CSMD1: variants seen among roughly 807,000 people sequenced by gnomAD.
The protein encoded by CSMD1 is CUB and Sushi multiple domains 1, also known as CUB and sushi domain-containing protein 1.
In CSMD1, 213 loss-of-function variants were observed where a neutral mutation model predicts 417.5. That is an observed-to-expected ratio of 0.51 (90% CI 0.46 to 0.57). CSMD1 has a LOEUF of 0.57. Ranked by LOEUF, CSMD1 falls within the 20% of genes least tolerant of loss-of-function variation. The pLI, the probability that CSMD1 is intolerant of heterozygous loss-of-function variation, is 0.00. For missense variants in CSMD1, 6,923 were observed against 4,529.7 expected, an observed-to-expected ratio of 1.53 and a Z score of -15.17; for synonymous variants, 2,862 against 1,736.8, an observed-to-expected ratio of 1.65 and a Z score of -16.11.
At chr8:3,492,187 G>A (rs1017508547) in intron 11 of CSMD1, among the ~76,000 whole-genome samples, 18 of 152,184 alleles carry the variant, frequency 1.2e-4, no homozygotes, top group African/African-American at 4.3e-4. Context: ...AAGCCAAGAT[G>A]TTTGATTATT....
At chr8:4,007,468 C>CCCTCACAA (rs1191396967) in intron 4 of CSMD1, among the ~76,000 whole-genome samples, 1 of 152,140 alleles carries the variant, frequency 6.6e-6, no homozygotes, top group Non-Finnish European at 1.5e-5. Flanking sequence ...ACTTCAGAGC[C>CCCTCACAA]CCTCACAAGG....
chr8:3,679,645 G>T (rs1012379888), intron 7 of CSMD1, among the ~76,000 whole-genome samples: 1 of 152,072 alleles, frequency 6.6e-6, no homozygotes, highest in Non-Finnish European at 1.5e-5. Context: ...AAGTTAACAA[G>T]GATATCCAGG....
At chr8:3,876,390 T>C (rs1011238861) in intron 5 of CSMD1, among the ~76,000 whole-genome samples, 1 of 152,210 alleles carries the variant, frequency 6.6e-6, no homozygotes, top group African/African-American at 2.4e-5. Flanking sequence ...CAATAAACTT[T>C]CCTGTATTTC....
At chr8:4,704,636 C>A (rs1389167965) in intron 1 of CSMD1, among the ~76,000 whole-genome samples, 1 of 152,182 alleles carries the variant, frequency 6.6e-6, no homozygotes, top group African/African-American at 2.4e-5. Context: ...TTCTTTTAAC[C>A]ATTCTTACCT....
intron 5 of CSMD1, among the ~76,000 whole-genome samples, chr8:3,973,112 T>C (rs1813196480): frequency 6.6e-6 from 1 of 152,258 alleles, no homozygotes; most frequent in African/African-American, 2.4e-5. Context: ...CCTGCTTTCT[T>C]GACAGTTGGA....
chr8:3,270,043 CTTCT>C (rs1801722607), intron 26 of CSMD1, among the ~76,000 whole-genome samples: 1 of 99,930 alleles, frequency 1.0e-5, no homozygotes, highest in African/African-American at 3.5e-5. Flanking sequence ...TCTCTAACCT[CTTCT>C]TTTTTTTTTT....
chr8:4,199,066 C>T (rs755829107), intron 3 of CSMD1, among the ~76,000 whole-genome samples: 3 of 152,098 alleles, frequency 2.0e-5, no homozygotes, highest in Non-Finnish European at 4.4e-5. Context: ...CTGGCAAAAC[C>T]CCTGAGGTAG....
At chr8:3,178,988 C>A (rs778807167) in intron 37 of CSMD1, among the ~76,000 whole-genome samples, 1 of 150,060 alleles carries the variant, frequency 6.7e-6, no homozygotes, top group Non-Finnish European at 1.5e-5. Context: ...CACTCTGTCA[C>A]CCAGGCTGGA....
chr8:3,715,125 G>A (rs60860249), intron 6 of CSMD1, among the ~76,000 whole-genome samples: 5 of 152,158 alleles, frequency 3.3e-5, no homozygotes, highest in African/African-American at 9.6e-5. Flanking sequence ...AAGAGTCATC[G>A]AAATTCAGAT....
intron 5 of CSMD1, among the ~76,000 whole-genome samples, chr8:3,880,478 C>T (rs1806133663): frequency 6.6e-6 from 1 of 152,164 alleles, no homozygotes; most frequent in South Asian, 2.1e-4. Flanking sequence ...CGCTGCTTCA[C>T]TTTATTTCCT....
intron 2 of CSMD1, among the ~76,000 whole-genome samples, chr8:4,485,055 T>C (rs114805295): frequency 0.012 from 1,754 of 147,998 alleles, 50 homozygotes; most frequent in African/African-American, 0.042. Flanking sequence ...TTTCTTCCCA[T>C]TTTCTACTCA....
intron 12 of CSMD1, among the ~76,000 whole-genome samples, chr8:3,447,521 G>C (rs541580752): frequency 6.6e-5 from 10 of 152,158 alleles, no homozygotes; most frequent in Non-Finnish European, 1.5e-4. Flanking sequence ...TACTTTGTGC[G>C]GCTGGTGTGG....
intron 2 of CSMD1, 90 bp downstream of exon 2, chr8:4,637,252 C>A (rs1231128612): frequency 2.5e-6 from 3 of 1,177,972 alleles, no homozygotes; most frequent in South Asian, 2.8e-5. Flanking sequence ...CAACTCCGGA[C>A]ACAATAATAA....
intron 56 of CSMD1, 148 bp downstream of exon 56, chr8:2,974,302 CG>C: frequency 1.5e-6 from 1 of 658,246 alleles, no homozygotes; most frequent in Admixed American, 3.4e-5. Context: ...ATAAGAGCGG[CG>C]TATTTGGCTA....
In CSMD1 at chr8:3,654,838, T is replaced by C. The variant is rs1034622355; in HGVS notation, c.1010-38041A>G. 3.9e-5 allele frequency among the ~76,000 whole-genome samples: 6 copies of C among 152,120 alleles called. 1 individual carries two copies. Among genetic ancestry groups the C allele is most frequent in the Admixed American group, 3.3e-4 (5 of 15,262 alleles). On this transcript the variant is annotated intron_variant, in intron 7 of 69. Coordinates refer to ENST00000635120, the MANE Select transcript of CSMD1 (RefSeq NM_033225.6). ...TGGCGCCCAGGATCCATAGAACACA[T>C]CACCTGCTCTACCCACACCCGGACC... is the stretch of plus-strand genomic sequence containing the variant.
At position 4,753,121 on chromosome 8, in the gene CSMD1, A is replaced by G. The variant is rs150531838; in HGVS notation, c.86-115563T>C. ...TATTTTTGGAAACATTTTATGGATA[A>G]GAAAAGCGAGGCTTAGAAAGCTGAA... On this transcript the variant is annotated intron_variant, in intron 1 of 69. Coordinates refer to ENST00000635120, the MANE Select transcript of CSMD1 (RefSeq NM_033225.6). Among the ~76,000 whole-genome samples the G allele has an allele frequency of 5.0e-3, 768 of 152,276 alleles. 11 individuals are homozygous for G. Among genetic ancestry groups the G allele is most frequent in the Middle Eastern group, 0.017 (5 of 294 alleles).
intron 2 of CSMD1, among the ~76,000 whole-genome samples, chr8:4,572,670 C>T (rs964762262): frequency 5.9e-5 from 9 of 152,192 alleles, no homozygotes; most frequent in Non-Finnish European, 1.2e-4. Context: ...GCCTGTCTTG[C>T]TAGAGTGAGG....
intron 3 of CSMD1, among the ~76,000 whole-genome samples, chr8:4,054,271 G>A (rs913623205): frequency 1.3e-4 from 12 of 89,964 alleles, no homozygotes; most frequent in Non-Finnish European, 2.3e-4. Flanking sequence ...AAGAGGTGAC[G>A]GGGAAGTGAA....
intron 5 of CSMD1, among the ~76,000 whole-genome samples, chr8:3,935,168 C>A (rs572350700): frequency 2.0e-5 from 3 of 152,134 alleles, no homozygotes; most frequent in Admixed American, 6.5e-5. Flanking sequence ...AATATGGCCA[C>A]GACTCGTCTC....
Sources: gnomAD v4.1 joint callset for allele counts (sites outside exome capture counted in the v4.1 genomes callset) on GRCh38, gnomAD v4.1.1 for gene constraint, MANE v1.5 for transcripts, NCBI Gene and HGNC (gene_info 2026-07-23, HGNC 2026-07-21) for gene names.